The following EPHA6 variants were observed in gnomAD, a reference collection of about 807,000 sequenced individuals.
EPHA6 encodes the protein ephrin type-A receptor 6.
In EPHA6, 50 loss-of-function variants were observed where a neutral mutation model predicts 112.0. That is an observed-to-expected ratio of 0.45 (90% CI 0.36 to 0.56). The LOEUF (loss-of-function observed/expected upper bound fraction) is 0.56, where lower values mean the gene tolerates loss of function less well. Ranked by LOEUF, EPHA6 falls within the 20% of genes least tolerant of loss-of-function variation. The probability of loss-of-function intolerance (pLI) is 0.00; values close to 1 mark genes in which losing one functional copy is unlikely to be tolerated. For missense variants in EPHA6, 1,280 were observed against 1,417.4 expected (o/e 0.90, Z 1.56); for synonymous variants, 529 against 490.7 (o/e 1.08, Z -1.03).
At chr3:97,723,364 A>T (rs1343511713) in intron 15 of EPHA6, among the ~76,000 whole-genome samples, 1 of 152,208 alleles carries the variant, frequency 6.6e-6, no homozygotes, top group South Asian at 2.1e-4. Context: ...AAGGTTGCCC[A>T]GCCATTCTGG....
At chr3:97,748,517 ATCTC>A (rs71113865) in intron 17 of EPHA6, 66 bp from the exon 18 acceptor site, 262,745 of 713,056 alleles carry the variant, frequency 0.37, 35,420 homozygotes, top group East Asian at 0.61. Context: ...CATATTCTGT[ATCTC>A]TCTCTCTCTC....
intron 3 of EPHA6, among the ~76,000 whole-genome samples, chr3:97,010,436 A>G (rs1559666135): frequency 6.6e-6 from 1 of 152,176 alleles, no homozygotes; most frequent in Non-Finnish European, 1.5e-5. Context: ...AATATTTACT[A>G]TCTAGTCATT....
chr3:96,930,361 G>A (rs1261192022), intron 2 of EPHA6, among the ~76,000 whole-genome samples: 1 of 152,116 alleles, frequency 6.6e-6, no homozygotes, highest in Non-Finnish European at 1.5e-5. Context: ...CTTTAAGGTT[G>A]CTGACCTTTG....
chr3:97,187,733 G>GAA (rs774182667), intron 3 of EPHA6, among the ~76,000 whole-genome samples: 1 of 147,642 alleles, frequency 6.8e-6, no homozygotes, highest in African/African-American at 2.5e-5. Flanking sequence ...AAGAAAGAAA[G>GAA]AAAGAAAGAA....
intron 3 of EPHA6, among the ~76,000 whole-genome samples, chr3:97,108,750 T>A (rs1036849372): frequency 4.6e-5 from 7 of 152,166 alleles, no homozygotes; most frequent in Admixed American, 2.0e-4. Context: ...AGGACATTTC[T>A]GGCACTGCTG....
At chr3:97,418,991 T>C (rs766079179) in intron 6 of EPHA6, among the ~76,000 whole-genome samples, 69 of 152,270 alleles carry the variant, frequency 4.5e-4, no homozygotes, top group Middle Eastern at 3.4e-3. Context: ...AAAAAATTAA[T>C]GAACTAAGTA....
rs976512681 is a variant in EPHA6, at chr3:97,751,372, A to G, written c.*2671A>G. Among the ~76,000 whole-genome samples, 1 of 152,082 alleles carries G rather than the reference A, an allele frequency of 6.6e-6. No homozygotes were observed. Among genetic ancestry groups the G allele is most frequent in the Admixed American group, 6.6e-5 (1 of 15,266 alleles). Reference sequence around the variant, plus strand: ...AAAACTACTTTTTGCTTTGTCTCTCATCCCATGTCTCCTTCAAAATTCCTT... The same window carrying G: ...AAAACTACTTTTTGCTTTGTCTCTCGTCCCATGTCTCCTTCAAAATTCCTT... On this transcript the variant is annotated 3_prime_UTR_variant, in exon 18 of 18. Transcript: ENST00000389672.
In EPHA6 at chr3:97,594,468, T is replaced by C. The variant is rs994313852; in HGVS notation, c.2512+1731T>C. Reference sequence around the variant, plus strand: ...AAAAAATTGCTTCTTAAAAAATGTATAGATCTAAACTTGTCCCTGTTTCCA... The same window carrying C: ...AAAAAATTGCTTCTTAAAAAATGTACAGATCTAAACTTGTCCCTGTTTCCA... On this transcript the variant is annotated intron_variant, in intron 12 of 17. Coordinates refer to ENST00000389672, the MANE Select transcript of EPHA6 (RefSeq NM_001080448.3). Among the ~76,000 whole-genome samples, 22 of 152,226 alleles carry C rather than the reference T, an allele frequency of 1.4e-4. 1 individual carries two copies. Among genetic ancestry groups the C allele is most frequent in the Middle Eastern group, 3.2e-3 (1 of 316 alleles).
intron 3 of EPHA6, among the ~76,000 whole-genome samples, chr3:97,145,812 G>T (rs567646858): frequency 1.3e-5 from 2 of 151,384 alleles, no homozygotes; most frequent in East Asian, 3.9e-4. Context: ...TGGGTGCAAC[G>T]TGTAGCTTAA....
At chr3:97,272,892 A>G (rs1446671184) in intron 5 of EPHA6, among the ~76,000 whole-genome samples, 1 of 152,140 alleles carries the variant, frequency 6.6e-6, no homozygotes. Flanking sequence ...AATAATAAAA[A>G]AACGAAATAG....
intron 5 of EPHA6, among the ~76,000 whole-genome samples, chr3:97,382,711 ACAAT>A: frequency 6.6e-6 from 1 of 152,068 alleles, no homozygotes; most frequent in East Asian, 1.9e-4. Flanking sequence ...TTATGAAAAT[ACAAT>A]CAGTCAAATA....
intron 5 of EPHA6, among the ~76,000 whole-genome samples, chr3:97,269,473 G>A (rs2079808866): frequency 6.6e-6 from 1 of 152,212 alleles, no homozygotes; most frequent in African/African-American, 2.4e-5. Flanking sequence ...TCTTACACCT[G>A]GGGTGGACCC....
intron 7 of EPHA6, among the ~76,000 whole-genome samples, chr3:97,467,502 A>G (rs1175331534): frequency 6.6e-6 from 1 of 151,870 alleles, no homozygotes; most frequent in Non-Finnish European, 1.5e-5. Flanking sequence ...TATTAATATT[A>G]TGGCACATGG....
chr3:97,277,443 C>G (rs1015964223), intron 5 of EPHA6, among the ~76,000 whole-genome samples: 4 of 152,124 alleles, frequency 2.6e-5, no homozygotes, highest in African/African-American at 9.7e-5. Context: ...GCCATTTTCA[C>G]TTCTTTTGTG....
intron 1 of EPHA6, among the ~76,000 whole-genome samples, chr3:96,845,506 G>A (rs1391327584): frequency 2.0e-5 from 3 of 151,884 alleles, no homozygotes; most frequent in Non-Finnish European, 4.4e-5. Context: ...GCTCTCCATG[G>A]ATTACTGAGG....
rs397990599 is a variant in EPHA6, at chr3:97,668,911, C to CAAAAAAAAAAAA, written c.2784+30851_2784+30862dup. On this transcript the variant is annotated intron_variant, in intron 14 of 17. Transcript: ENST00000389672. ...TGTGTGACAGAGTGAGACTCTGTCT[C>CAAAAAAAAAAAA]AAAAAAAAAAAAAAAAAAAAAAAAA... Among the ~76,000 whole-genome samples the CAAAAAAAAAAAA allele has an allele frequency of 2.8e-4, 9 of 31,914 alleles. 2 individuals carry two copies. Among genetic ancestry groups the CAAAAAAAAAAAA allele is most frequent in the Admixed American group, 5.9e-4 (1 of 1,700 alleles). 20.9% of individuals were successfully genotyped at this position (31,914 alleles called of 152,430 possible).
intron 3 of EPHA6, among the ~76,000 whole-genome samples, chr3:97,190,318 A>C (rs1174338384): frequency 1.3e-5 from 2 of 152,092 alleles, no homozygotes; most frequent in Non-Finnish European, 2.9e-5. Context: ...TTGTGGCTGG[A>C]TTCCAGTTTG....
chr3:97,655,528 C>T (rs562107983), intron 14 of EPHA6, among the ~76,000 whole-genome samples: 1 of 151,904 alleles, frequency 6.6e-6, no homozygotes, highest in Non-Finnish European at 1.5e-5. Context: ...AGTCTATCAT[C>T]GTTGGACATT....
chr3:97,204,243 G>A lies in EPHA6; in HGVS notation c.1115-22021G>A, dbSNP rs141678557. On this transcript the variant is annotated intron_variant, in intron 3 of 17. Transcript: ENST00000389672. ...TCCAAATAGTTAATTAATTTCCTAT[G>A]TACTAGGCTCCAGAAATATAAACAT... 7.6e-4 allele frequency among the ~76,000 whole-genome samples: 116 copies of A among 152,094 alleles called. 2 individuals are homozygous for A. The East Asian group carries it at 0.021, about 27-fold the overall frequency.
Sources: allele counts gnomAD v4.1 joint callset (sites outside exome capture counted in the v4.1 genomes callset), GRCh38; gene constraint gnomAD v4.1.1; transcripts MANE v1.5; gene names NCBI Gene and HGNC (gene_info 2026-07-23, HGNC 2026-07-21).